Variants in DNAH9 observed in about 807,000 individuals in gnomAD.
The protein encoded by DNAH9 is dynein axonemal heavy chain 9, also known as DNAH9 variant protein.
Under a neutral mutation model 471.6 loss-of-function variants are expected in DNAH9, and 345 were observed. The observed-to-expected ratio is 0.73, with a 90% confidence interval of 0.67 to 0.80. The LOEUF is 0.80. Ranked by LOEUF, DNAH9 falls within the 30% of genes least tolerant of loss-of-function variation. The pLI is 0.00. For synonymous variants in DNAH9, 2,093 were observed against 2,123.6 expected, an observed-to-expected ratio of 0.99 and a Z score of 0.40; for missense variants, 5,407 against 5,609.2, an observed-to-expected ratio of 0.96 and a Z score of 1.15.
At chr17:11,763,358 G>A in intron 35 of DNAH9, 82 bp from the exon 36 acceptor site, 3 of 1,261,980 alleles carry the variant, frequency 2.4e-6, no homozygotes, top group Non-Finnish European at 3.4e-6. Flanking sequence ...CACTGAAACT[G>A]AGTGGTTCCA....
chr17:11,904,630 CAAAAAAA>C (rs202059757), intron 60 of DNAH9, among the ~76,000 whole-genome samples: 28 of 111,456 alleles, frequency 2.5e-4, no homozygotes, highest in Non-Finnish European at 4.3e-4. Flanking sequence ...GACTCCATCT[CAAAAAAA>C]AAAAAAAAAA....
chr17:11,924,000 C>G, intron 62 of DNAH9, 59 bp downstream of exon 62: 1 of 1,582,820 alleles, frequency 6.3e-7, no homozygotes, highest in Non-Finnish European at 8.6e-7. Flanking sequence ...ATCCCACACT[C>G]ACTGGGCATC....
intron 49 of DNAH9, 94 bp downstream of exon 49, chr17:11,834,992 G>A: frequency 1.3e-6 from 2 of 1,494,102 alleles, no homozygotes; most frequent in Non-Finnish European, 1.8e-6. Flanking sequence ...GGACAATGTT[G>A]GGAGAGTTTA....
chr17:11,751,626 A>G (rs563952586), intron 32 of DNAH9, among the ~76,000 whole-genome samples: 110 of 152,246 alleles, frequency 7.2e-4, no homozygotes, highest in African/African-American at 2.5e-3. Context: ...AAATGAAAAC[A>G]AAGTCATTCT....
chr17:11,746,896 C>A (rs1040221025), intron 31 of DNAH9, among the ~76,000 whole-genome samples: 2 of 151,900 alleles, frequency 1.3e-5, no homozygotes, highest in Non-Finnish European at 1.5e-5. Context: ...GGACATACTA[C>A]AGCAAAACAA....
At chr17:11,636,579 A>G (rs1201762952) in intron 8 of DNAH9, 55 bp from the exon 9 acceptor site, 3 of 1,453,872 alleles carry the variant, frequency 2.1e-6, no homozygotes, top group Middle Eastern at 2.0e-4. Context: ...TTGTATAACC[A>G]TGGAAAGGTT....
chr17:11,924,399 G>A lies in DNAH9; in HGVS notation c.11877+458G>A, dbSNP rs535154333. Among the ~76,000 whole-genome samples the A allele has an allele frequency of 3.3e-5, 5 of 151,990 alleles. No individual in the cohort carries two copies. In the South Asian group the frequency reaches 1.0e-3, roughly 32 times the overall value. On this transcript the variant is annotated intron_variant, in intron 62 of 68. Transcript: ENST00000262442. ...GGAGCAACCTTAGCCTCTTCACTGA[G>A]AGCTCATGTTGGTGTTTGGAATCTG...
intron 53 of DNAH9, among the ~76,000 whole-genome samples, chr17:11,877,461 G>A (rs961437858): frequency 1.3e-5 from 1 of 75,580 alleles, no homozygotes; most frequent in South Asian, 4.6e-4. Context: ...GGACAAGAAC[G>A]AAAACTCTGT....
intron 19 of DNAH9, among the ~76,000 whole-genome samples, chr17:11,684,289 G>A (rs1445100077): frequency 1.3e-5 from 2 of 152,160 alleles, no homozygotes; most frequent in Non-Finnish European, 2.9e-5. Context: ...CAGTCTGACA[G>A]GTGCTGTGTG....
intron 67 of DNAH9, among the ~76,000 whole-genome samples, chr17:11,955,723 C>T (rs1975609589): frequency 6.6e-6 from 1 of 152,166 alleles, no homozygotes; most frequent in African/African-American, 2.4e-5. Flanking sequence ...ATGCTGCCTC[C>T]CTCTCATGAA....
At chr17:11,774,836 AT>A (rs199735923) in intron 38 of DNAH9, among the ~76,000 whole-genome samples, 4,603 of 152,152 alleles carry the variant, frequency 0.03, 119 homozygotes, top group Non-Finnish European at 0.046. Flanking sequence ...ATCTTTTTAC[AT>A]TTTTTCTTTT....
In DNAH9 at chr17:11,869,223, C is replaced by T. The variant is rs149080397; in HGVS notation, c.10023C>T (p.Thr3341=). 58 of 1,613,556 alleles carry T rather than the reference C, an allele frequency of 3.6e-5. No homozygotes were observed. The highest frequency in any genetic ancestry group is 3.2e-4 in the African/African-American group (24 of 74,916). The change falls in exon 51 of 69, where the codon ACC becomes ACT. Residue 3341 remains threonine (T), a synonymous_variant. Transcript: ENST00000262442. ...KLKCQQEAEV[T]AVTISLANRL... ...AATGTCAGCAAGAAGCCGAAGTGAC[C>T]GCAGTCACCATCTCCCTTGCCAACC...
intron 44 of DNAH9, among the ~76,000 whole-genome samples, chr17:11,808,400 C>T (rs1969768953): frequency 6.6e-6 from 1 of 152,122 alleles, no homozygotes; most frequent in Admixed American, 6.5e-5. Flanking sequence ...TCATTGTGTC[C>T]AGTCCGCTTT....
chr17:11,915,286 G>A (rs1973909716), intron 61 of DNAH9, among the ~76,000 whole-genome samples: 1 of 152,056 alleles, frequency 6.6e-6, no homozygotes, highest in Admixed American at 6.6e-5. Context: ...AGCATTTTGG[G>A]AGGCCGAGGC....
At position 11,728,717 on chromosome 17, in the gene DNAH9, G is replaced by A. The variant is rs182303062; in HGVS notation, c.5814+795G>A. Among the ~76,000 whole-genome samples the A allele has an allele frequency of 4.0e-3, 602 of 152,200 alleles. 3 individuals carry two copies. Among genetic ancestry groups the A allele is most frequent in the African/African-American group, 0.013 (560 of 41,536 alleles). On this transcript the variant is annotated intron_variant, in intron 28 of 68. Coordinates refer to ENST00000262442, the MANE Select transcript of DNAH9 (RefSeq NM_001372.4). ...CAGTAGGAGGGTGAAGGGGGGGAAC[G>A]TTTGAATAAGCTTTTGTTGAAATTC... is the stretch of plus-strand genomic sequence containing the variant.
At chr17:11,639,799 T>C (rs1990285) in intron 9 of DNAH9, among the ~76,000 whole-genome samples, 57,787 of 151,972 alleles carry the variant, frequency 0.38, 11,331 homozygotes, top group Middle Eastern at 0.46. Flanking sequence ...CACCTGAGTT[T>C]GAGACCAGCC....
chr17:11,640,937 A>G (rs543081869), intron 10 of DNAH9, among the ~76,000 whole-genome samples: 1 of 152,234 alleles, frequency 6.6e-6, no homozygotes, highest in Non-Finnish European at 1.5e-5. Flanking sequence ...AGCTTGCTTC[A>G]TAGCTGAGGT....
chr17:11,936,116 ATG>A (rs1444325798), intron 65 of DNAH9, among the ~76,000 whole-genome samples: 5 of 152,156 alleles, frequency 3.3e-5, no homozygotes, highest in African/African-American at 1.2e-4. Context: ...CTTCTCTTTA[ATG>A]TGTTAGTTAA....
intron 59 of DNAH9, among the ~76,000 whole-genome samples, chr17:11,902,219 C>T (rs1172270851): frequency 6.6e-6 from 1 of 152,170 alleles, no homozygotes; most frequent in Non-Finnish European, 1.5e-5. Context: ...CCAAGTTATA[C>T]ATTTGGACTG....
Sources: gnomAD v4.1 joint callset for allele counts (sites outside exome capture counted in the v4.1 genomes callset) on GRCh38, gnomAD v4.1.1 for gene constraint, MANE v1.5 for transcripts, NCBI Gene and HGNC (gene_info 2026-07-23, HGNC 2026-07-21) for gene names.